The following COP1 variants were observed in gnomAD, a reference collection of about 807,000 sequenced individuals.
COP1 encodes E3 ubiquitin-protein ligase COP1.
Under a neutral mutation model 101.3 loss-of-function variants are expected in COP1, and 24 were observed. The ratio of observed to expected loss-of-function variants is 0.24; its 90% CI spans 0.17 to 0.33. The LOEUF is 0.33. Ranked by LOEUF, COP1 falls within the 10% of genes least tolerant of loss-of-function variation. The probability of loss-of-function intolerance (pLI) is 1.00; values close to 1 mark genes in which losing one functional copy is unlikely to be tolerated. For synonymous variants in COP1, 347 were observed against 341.9 expected, an observed-to-expected ratio of 1.01 and a Z score of -0.17; for missense variants, 663 against 906.2, an observed-to-expected ratio of 0.73 and a Z score of 3.45.
chr1:176,153,732 G>A (rs1692994897), intron 5 of COP1, among the ~76,000 whole-genome samples: 1 of 152,186 alleles, frequency 6.6e-6, no homozygotes, highest in Admixed American at 6.5e-5. Context: ...GTTTGTCACA[G>A]ATGGCCCTTA....
At chr1:176,061,312 G>GT (rs1374554723) in intron 11 of COP1, among the ~76,000 whole-genome samples, 11 of 152,220 alleles carry the variant, frequency 7.2e-5, no homozygotes, top group Non-Finnish European at 7.3e-5. Flanking sequence ...GAACAAGTGG[G>GT]TATCTCTATA....
chr1:176,147,968 C>T (rs986144046), intron 6 of COP1, among the ~76,000 whole-genome samples: 3 of 152,126 alleles, frequency 2.0e-5, no homozygotes, highest in East Asian at 3.9e-4. Flanking sequence ...GGCGCGATCT[C>T]GGCTCACCAC....
At chr1:176,148,479 A>G (rs1572524222) in intron 6 of COP1, among the ~76,000 whole-genome samples, 2 of 152,186 alleles carry the variant, frequency 1.3e-5, no homozygotes, top group Non-Finnish European at 1.5e-5. Flanking sequence ...CATATTTTGT[A>G]TAGTGTGAAA....
intron 9 of COP1, among the ~76,000 whole-genome samples, chr1:176,112,915 A>G (rs1685543556): frequency 6.6e-6 from 1 of 152,186 alleles, no homozygotes; most frequent in African/African-American, 2.4e-5. Context: ...TTACGGCTGA[A>G]TAATATTCCA....
intron 6 of COP1, among the ~76,000 whole-genome samples, chr1:176,143,405 T>C (rs1228029164): frequency 1.3e-5 from 2 of 152,114 alleles, no homozygotes; most frequent in Non-Finnish European, 2.9e-5. Context: ...CTAGACTGCT[T>C]CTCCAGTAAG....
Position 176,163,800 on chromosome 1 carries a change from A to G in COP1, c.642+15T>C. ...ATGAAATTTATTAAAAATAGTAATA[A>G]GAGTTGAAACATACGGTGCTACTCA... On this transcript the variant is annotated intron_variant, in intron 4 of 19. Coordinates refer to ENST00000367669, the MANE Select transcript of COP1 (RefSeq NM_022457.7). 7.0e-7 allele frequency: 1 copy of G among 1,437,136 alleles called. No individual in the cohort carries two copies. Among genetic ancestry groups the G allele is most frequent in the Non-Finnish European group, 9.5e-7 (1 of 1,049,936 alleles). 89.0% of individuals were successfully genotyped at this position (1,437,136 alleles called of 1,614,324 possible). A position where few individuals can be genotyped will look rare whatever the true frequency, so the allele number is the denominator to read the frequency against.
chr1:176,149,118 A>G, intron 5 of COP1, 44 bp from the exon 6 acceptor site: 1 of 1,303,186 alleles, frequency 7.7e-7, no homozygotes, highest in Non-Finnish European at 1.1e-6. Context: ...AATATAACTG[A>G]GTTGAAAGTT....
intron 15 of COP1, among the ~76,000 whole-genome samples, chr1:176,015,785 T>C (rs904615552): frequency 6.6e-6 from 1 of 152,116 alleles, no homozygotes; most frequent in Non-Finnish European, 1.5e-5. Flanking sequence ...TCAATTAATT[T>C]AGTAATATGG....
chr1:176,184,307 G>C (rs1239071265), intron 2 of COP1, among the ~76,000 whole-genome samples: 1 of 151,932 alleles, frequency 6.6e-6, no homozygotes, highest in African/African-American at 2.4e-5. Flanking sequence ...ATCCCCACAA[G>C]TGAGTAATTA....
chr1:175,960,166 A>T (rs1055069424), intron 18 of COP1, among the ~76,000 whole-genome samples: 1 of 152,202 alleles, frequency 6.6e-6, no homozygotes, highest in Non-Finnish European at 1.5e-5. Context: ...TATATACGAC[A>T]ATCTGTATTC....
intron 9 of COP1, among the ~76,000 whole-genome samples, chr1:176,092,647 A>G (rs1352003917): frequency 6.6e-6 from 1 of 152,224 alleles, no homozygotes; most frequent in Non-Finnish European, 1.5e-5. Flanking sequence ...TAAAGTCGCA[A>G]CTATGCTCTA....
intron 18 of COP1, chr1:175,968,353 A>C (rs1411827035): frequency 4.2e-6 from 2 of 476,852 alleles, no homozygotes; most frequent in Non-Finnish European, 4.2e-6. Flanking sequence ...CAGATACTGA[A>C]TAAAATGGCA....
At chr1:176,152,720 G>A (rs1412800227) in intron 5 of COP1, among the ~76,000 whole-genome samples, 3 of 152,118 alleles carry the variant, frequency 2.0e-5, no homozygotes, top group South Asian at 2.1e-4. Flanking sequence ...TAATTACGGC[G>A]TGAGCCACTG....
At chr1:175,945,368 G>A (rs1236374502) in intron 19 of COP1, among the ~76,000 whole-genome samples, 198 bp from the exon 20 acceptor site, 2 of 152,240 alleles carry the variant, frequency 1.3e-5, no homozygotes, top group African/African-American at 2.4e-5. Flanking sequence ...AACTCTTTCA[G>A]ATGAGCTATC....
intron 9 of COP1, among the ~76,000 whole-genome samples, chr1:176,104,496 G>T (rs1572256140): frequency 6.6e-6 from 1 of 152,236 alleles, no homozygotes; most frequent in East Asian, 1.9e-4. Context: ...GTCAGCTAAA[G>T]ATATGAGTAT....
chr1:175,959,155 A>C (rs1651029044), intron 18 of COP1, among the ~76,000 whole-genome samples: 1 of 151,996 alleles, frequency 6.6e-6, no homozygotes, highest in Non-Finnish European at 1.5e-5. Flanking sequence ...AAGTTGGTTT[A>C]ATATTAGGTT....
intron 9 of COP1, among the ~76,000 whole-genome samples, chr1:176,097,159 T>C (rs747711793): frequency 6.6e-6 from 1 of 152,192 alleles, no homozygotes; most frequent in Non-Finnish European, 1.5e-5. Flanking sequence ...TAATTAAAAG[T>C]AGATATCCAA....
chr1:176,037,525 AC>A (rs948866257), intron 14 of COP1, among the ~76,000 whole-genome samples: 32 of 151,994 alleles, frequency 2.1e-4, no homozygotes, highest in African/African-American at 7.2e-4. Context: ...CAGAAAAAAA[AC>A]AACAAAAAAA....
intron 6 of COP1, among the ~76,000 whole-genome samples, chr1:176,142,267 C>G (rs936361633): frequency 2.7e-5 from 4 of 150,610 alleles, no homozygotes; most frequent in African/African-American, 9.8e-5. Flanking sequence ...AATGGAATTC[C>G]GAAAAGAAAC....
Sources: allele counts gnomAD v4.1 joint callset (sites outside exome capture counted in the v4.1 genomes callset), GRCh38; gene constraint gnomAD v4.1.1; transcripts MANE v1.5; gene names NCBI Gene and HGNC (gene_info 2026-07-23, HGNC 2026-07-21).